The following PRKCZ variants were observed in gnomAD, a reference collection of about 807,000 sequenced individuals.
PRKCZ encodes protein kinase C zeta type.
In PRKCZ, 33 loss-of-function variants were observed where a neutral mutation model predicts 79.5. That is an observed-to-expected ratio of 0.41 (90% CI 0.31 to 0.55). PRKCZ has a LOEUF of 0.55. PRKCZ is among the 20% of genes least tolerant of loss of function. The pLI is 0.19. For missense variants in PRKCZ, 578 were observed against 813.5 expected (o/e 0.71, Z 3.52); for synonymous variants, 342 against 320.9 (o/e 1.07, Z -0.70).
chr1:2,077,194 A>G (rs1243096518), intron 4 of PRKCZ, among the ~76,000 whole-genome samples: 3 of 152,230 alleles, frequency 2.0e-5, no homozygotes, highest in Non-Finnish European at 1.5e-5. Context: ...TCGGGCACAC[A>G]GGAGAGTTTA....
chr1:2,107,988 G>GC (rs1433528207), intron 4 of PRKCZ, among the ~76,000 whole-genome samples: 1 of 151,776 alleles, frequency 6.6e-6, no homozygotes, highest in African/African-American at 2.4e-5. Flanking sequence ...TGTCAAGGGA[G>GC]CCCCCCAACC....
intron 4 of PRKCZ, among the ~76,000 whole-genome samples, chr1:2,121,489 C>T (rs112235446): frequency 0.08 from 2,414 of 30,262 alleles, 98 homozygotes; most frequent in African/African-American, 0.25. Context: ...GTTAGGGTCA[C>T]GGTGGTAGTT....
chr1:2,115,886 G>C (rs1427621295), intron 4 of PRKCZ, among the ~76,000 whole-genome samples: 1 of 152,140 alleles, frequency 6.6e-6, no homozygotes, highest in Non-Finnish European at 1.5e-5. Context: ...TGTCATTGAG[G>C]GCTTTTTGTG....
chr1:2,091,852 C>T (rs917487678), intron 4 of PRKCZ, among the ~76,000 whole-genome samples: 13 of 152,150 alleles, frequency 8.5e-5, no homozygotes, highest in Non-Finnish European at 1.8e-4. Flanking sequence ...AGGACAGATG[C>T]GCGTCCTGTG....
chr1:2,059,732 G>T, intron 4 of PRKCZ, 141 bp downstream of exon 4: 1 of 1,107,026 alleles, frequency 9.0e-7, no homozygotes, highest in Non-Finnish European at 1.3e-6. Flanking sequence ...CGTGGTGACC[G>T]CAGGTGGGGT....
At chr1:2,109,159 GAC>G (rs1323394501) in intron 4 of PRKCZ, among the ~76,000 whole-genome samples, 1 of 152,232 alleles carries the variant, frequency 6.6e-6, no homozygotes, top group East Asian at 1.9e-4. Flanking sequence ...CACGGAAGGT[GAC>G]ACAGTCTTGG....
At chr1:2,086,100 C>T (rs1557524991) in intron 4 of PRKCZ, among the ~76,000 whole-genome samples, 2 of 148,196 alleles carry the variant, frequency 1.3e-5, no homozygotes, top group African/African-American at 2.5e-5. Flanking sequence ...CTTGCTCTGT[C>T]GCCCAGGCTG....
intron 10 of PRKCZ, among the ~76,000 whole-genome samples, chr1:2,160,657 G>C (rs1002411768): frequency 1.3e-5 from 2 of 152,148 alleles, no homozygotes; most frequent in Admixed American, 1.3e-4. Flanking sequence ...GGCCGCAGAA[G>C]CCAGAGGGAC....
rs537795827 is a variant in PRKCZ, at chr1:2,091,306, G to A, written c.334+31715G>A. On this transcript the variant is annotated intron_variant, in intron 4 of 17. Transcript: ENST00000378567. ...CCCGTCTTGGCCTCCCAAAGTGCTGGGATTATAGAAGTGAGCCACCGCGCC... is the reference window on the plus strand; with the variant it reads ...CCCGTCTTGGCCTCCCAAAGTGCTGAGATTATAGAAGTGAGCCACCGCGCC... Among the ~76,000 whole-genome samples the A allele has an allele frequency of 2.6e-3, 389 of 152,226 alleles. 5 individuals carry two copies. Among genetic ancestry groups the A allele is most frequent in the African/African-American group, 9.1e-3 (377 of 41,528 alleles).
At chr1:2,164,996 G>C (rs545129754) in intron 10 of PRKCZ, among the ~76,000 whole-genome samples, 1 of 152,200 alleles carries the variant, frequency 6.6e-6, no homozygotes, top group Non-Finnish European at 1.5e-5. Flanking sequence ...GAGGACACCC[G>C]TGTTTGCCTT....
chr1:2,048,766 G>C (rs1659431491), upstream of PRKCZ, among the ~76,000 whole-genome samples: 1 of 152,204 alleles, frequency 6.6e-6, no homozygotes, highest in South Asian at 2.1e-4. Flanking sequence ...AGTTTTAAAA[G>C]CTGCAGACCA....
Position 2,082,870 on chromosome 1 carries a change from G to GTGT in PRKCZ, c.334+23280_334+23282dup, listed in dbSNP as rs1663825844. 6.6e-6 allele frequency among the ~76,000 whole-genome samples: 1 copy of GTGT among 151,562 alleles called. No homozygotes were observed. The highest frequency in any genetic ancestry group is 1.5e-5 in the Non-Finnish European group (1 of 67,860). On this transcript the variant is annotated intron_variant, in intron 4 of 17. Transcript: ENST00000378567. This position sits in a 1 kb window ranked among gnomAD's most constrained non-coding sequence, Gnocchi z 4.4. ...GCGTGAGGGAGAGGGTGGAGGGGTG[G>GTGT]TGTGAGGGTGCAAGGGAGAGGGTGG... is the stretch of plus-strand genomic sequence containing the variant.
chr1:2,116,018 T>C (rs1381928438), intron 4 of PRKCZ, among the ~76,000 whole-genome samples: 1 of 152,238 alleles, frequency 6.6e-6, no homozygotes, highest in African/African-American at 2.4e-5. Flanking sequence ...TAGGCATTCC[T>C]TGGTCCTGCT....
At chr1:2,114,919 T>C (rs1432286094) in intron 4 of PRKCZ, among the ~76,000 whole-genome samples, 1 of 152,240 alleles carries the variant, frequency 6.6e-6, no homozygotes. Context: ...CTTTTTAAAA[T>C]TGAAACAAAA....
intron 4 of PRKCZ, among the ~76,000 whole-genome samples, chr1:2,062,789 C>T (rs973790069): frequency 1.3e-5 from 2 of 151,648 alleles, no homozygotes; most frequent in African/African-American, 4.8e-5. Flanking sequence ...AGCCTGTCCC[C>T]ATCTTAGCCA....
chr1:2,079,616 C>T (rs1571214726), intron 4 of PRKCZ, among the ~76,000 whole-genome samples: 2 of 152,358 alleles, frequency 1.3e-5, no homozygotes, highest in East Asian at 3.9e-4. Flanking sequence ...ATGGGATTAG[C>T]CAGTAACTAA....
intron 4 of PRKCZ, chr1:2,111,527 T>C (rs1669742986): frequency 1.3e-5 from 2 of 151,430 alleles, no homozygotes; most frequent in Non-Finnish European, 2.9e-5. Flanking sequence ...TAGGGAAGAG[T>C]GTGTGGCAGG....
chr1:2,051,369 G>A (rs747383243), intron 1 of PRKCZ, among the ~76,000 whole-genome samples: 15 of 152,216 alleles, frequency 9.9e-5, no homozygotes, highest in Admixed American at 5.2e-4. Context: ...GGGGGTGGCG[G>A]GGGCTGCACC....
At chr1:2,180,407 A>G (rs1047580385) in intron 16 of PRKCZ, among the ~76,000 whole-genome samples, 2 of 152,160 alleles carry the variant, frequency 1.3e-5, no homozygotes, top group African/African-American at 4.8e-5. Context: ...GACGATGTGG[A>G]TGCACGGACG....
Sources: gnomAD v4.1 joint callset for allele counts (sites outside exome capture counted in the v4.1 genomes callset) on GRCh38, gnomAD v4.1.1 for gene constraint, Gnocchi (gnomAD v3.1) non-coding constraint, MANE v1.5 for transcripts, NCBI Gene and HGNC (gene_info 2026-07-23, HGNC 2026-07-21) for gene names.